Variants in STAB1 observed in about 807,000 individuals in gnomAD.
The protein encoded by STAB1 is stabilin-1.
Under a neutral mutation model 332.4 loss-of-function variants are expected in STAB1, and 250 were observed. That is an observed-to-expected ratio of 0.75 (90% CI 0.68 to 0.84). The LOEUF is 0.84. Among genes scored for constraint, STAB1 ranks in the 40% least tolerant of loss-of-function variants. The pLI, the probability that STAB1 is intolerant of heterozygous loss-of-function variation, is 0.00. For synonymous variants in STAB1, 1,475 were observed against 1,390.4 expected (o/e 1.06, Z -1.35); for missense variants, 3,249 against 3,489.7 (o/e 0.93, Z 1.74).
chr3:52,509,614 G>A (rs536684218), intron 22 of STAB1: 4 of 596,214 alleles, frequency 6.7e-6, no homozygotes, highest in African/African-American at 1.9e-5. Flanking sequence ...GCGGGACTTA[G>A]GTCAGACACA....
At position 52,516,195 on chromosome 3, in the gene STAB1, T is replaced by C. The variant is rs2078856037; in HGVS notation, c.4101T>C (p.Cys1367=). 2 of 1,610,724 alleles carry C rather than the reference T, an allele frequency of 1.2e-6. No homozygotes were observed. The highest frequency in any genetic ancestry group is 1.7e-6 in the Non-Finnish European group (2 of 1,179,456). The part of the protein sequence containing the change: ...HCHEGFHGTA[C]EVCELGRYGP... Reference sequence around the variant, plus strand: ...ACGAGGGCTTCCATGGAACGGCCTGTGAGGTGTGTGAGCTGGGCCGCTACG... The same window carrying C: ...ACGAGGGCTTCCATGGAACGGCCTGCGAGGTGTGTGAGCTGGGCCGCTACG... The change falls in exon 38 of 69, where the codon TGT becomes TGC. Residue 1367 remains cysteine, a synonymous_variant. Transcript: ENST00000321725.
rs1440567794 is a variant in STAB1 at position 52,506,998 on chromosome 3, G to A, written c.1989+148G>A. The A allele has an allele frequency of 8.2e-6, 9 of 1,095,126 alleles. No homozygotes were observed. In the East Asian group the frequency reaches 2.3e-4, roughly 28 times the overall value. The allele number at this position is 1,095,126 out of a possible 1,614,324, so 67.8% of individuals were successfully genotyped here. On this transcript the variant is annotated intron_variant, in intron 18 of 68. Transcript: ENST00000321725. ...CTGGCAGACTCCCAAGGACCCACCT[G>A]TGCTTCCCCCACGCTCACCCTCACC...
At position 52,512,812 on chromosome 3, in the gene STAB1, C is replaced by A; in HGVS notation, c.3028-16C>A. On this transcript the variant is annotated splice_polypyrimidine_tract_variant and intron_variant, in intron 28 of 68. Transcript: ENST00000321725. ...CTTCCTCGCTCCTCCCGCCCCTGCT[C>A]CCTGTGTGCGTGCAGAGTGCCGGCA... is the stretch of plus-strand genomic sequence containing the variant. 1 of 1,607,670 alleles carries A rather than the reference C, an allele frequency of 6.2e-7. No individual in the cohort carries two copies. The highest frequency in any genetic ancestry group is 1.1e-5 in the South Asian group (1 of 90,934).
chr3:52,520,538 C>T lies in STAB1; in HGVS notation c.5638C>T (p.Pro1880Ser), dbSNP rs2079038625. The T allele has an allele frequency of 6.2e-7, 1 of 1,611,450 alleles. No individual in the cohort carries two copies. The highest frequency in any genetic ancestry group is 8.5e-7 in the Non-Finnish European group (1 of 1,178,968). The change falls in exon 53 of 69, where the codon CCC (proline) becomes TCC (serine). Residue 1880 changes from proline to serine, a missense_variant. Coordinates refer to ENST00000321725, the MANE Select transcript of STAB1 (RefSeq NM_015136.3). ...GARCDHFETR[P>S]LRLNTCSICG... ...TCGCTGTGACCACTTTGAGACCCGG[C>T]CCCTGCGACTGGTGAGGGAGGCCAG...
In STAB1 at chr3:52,519,992, A is replaced by G; in HGVS notation, c.5284A>G (p.Thr1762Ala). 1 of 1,610,984 alleles carries G rather than the reference A, an allele frequency of 6.2e-7. No individual in the cohort carries two copies. Among genetic ancestry groups the G allele is most frequent in the Non-Finnish European group, 8.5e-7 (1 of 1,179,290 alleles). ...LLREASHRPF[T>A]MLWPTDAAFR... ...TCGAGAGGCATCCCATAGGCCCTTC[A>G]CAATGCTGTGGCCCACAGACGCCGC... Residue 1762 changes from threonine to alanine, a missense_variant, in exon 51 of 69, where the codon ACA becomes GCA. Physicochemically the swap from Thr to Ala is moderately conservative, Grantham distance 58 (BLOSUM62 0). Coordinates refer to ENST00000321725, the MANE Select transcript of STAB1 (RefSeq NM_015136.3).
Position 52,516,925 on chromosome 3 carries a change from C to T in STAB1, c.4364-59C>T, listed in dbSNP as rs931377391. On this transcript the variant is annotated intron_variant, in intron 41 of 68. Coordinates refer to ENST00000321725, the MANE Select transcript of STAB1 (RefSeq NM_015136.3). ...TTTCCTTTCTCTCACGCCCTCCTCT[C>T]CTGTCCTGCCTCCGGCCCCGTGCCT... 15 of 1,606,418 alleles carry T rather than the reference C, an allele frequency of 9.3e-6. No homozygotes were observed. The South Asian group carries it at 1.6e-4, about 17-fold the overall frequency.
Position 52,520,469 on chromosome 3 carries a change from G to T in STAB1, c.5569G>T (p.Ala1857Ser), listed in dbSNP as rs1166778947. 1.2e-6 allele frequency: 2 copies of T among 1,612,796 alleles called. No individual in the cohort carries two copies. The highest frequency in any genetic ancestry group is 1.7e-6 in the Non-Finnish European group (2 of 1,179,950). Reference sequence around the variant, plus strand: ...GCACTTGCCCTTTGAGGGTGGCCTGGCCTATGGCATCGACCAGCTGCTGGA... The same window carrying T: ...GCACTTGCCCTTTGAGGGTGGCCTGTCCTATGGCATCGACCAGCTGCTGGA... ...QRHLPFEGGL[A>S]YGIDQLLEPP... is the part of the protein sequence containing the mutation. Residue 1857 changes from alanine to serine, a missense_variant, in exon 53 of 69, where the codon GCC becomes TCC. Transcript: ENST00000321725.
At chr3:52,517,139 G>A (rs1202128616) in intron 42 of STAB1, 30 bp downstream of exon 42, 1 of 1,520,614 alleles carries the variant, frequency 6.6e-7, no homozygotes, top group Non-Finnish European at 8.8e-7. Flanking sequence ...CTGGGTTTAT[G>A]TTGGGCTAGG....
Position 52,523,456 on chromosome 3 carries a change from T to A in STAB1, c.7170T>A (p.His2390Gln). 6.2e-7 allele frequency: 1 copy of A among 1,610,038 alleles called. No homozygotes were observed. Among genetic ancestry groups the A allele is most frequent in the Non-Finnish European group, 8.5e-7 (1 of 1,177,780 alleles). The part of the protein sequence containing the change: ...MTLSGPDLEL[H>Q]ASNATLLSAN... The stretch of plus-strand genomic sequence containing the variant: ...TGAGTGGCCCAGACTTGGAGCTGCA[T>A]GCCTCCAACGCCACCCTCCTAAGTG... Residue 2390 changes from histidine (H) to glutamine (Q), a missense_variant, in exon 65 of 69, where the codon CAT becomes CAA. Coordinates refer to ENST00000321725, the MANE Select transcript of STAB1 (RefSeq NM_015136.3).
At chr3:52,522,257 C>T (rs2079098488) in intron 59 of STAB1, 27 bp downstream of exon 59, 1 of 1,611,734 alleles carries the variant, frequency 6.2e-7, no homozygotes, top group Non-Finnish European at 8.5e-7. Flanking sequence ...ACCGAGTAGC[C>T]AGGGTGGGGA....
intron 11 of STAB1, 30 bp from the exon 12 acceptor site, chr3:52,504,709 C>G (rs767649788): frequency 2.5e-6 from 4 of 1,613,500 alleles, no homozygotes; most frequent in Non-Finnish European, 3.4e-6. Context: ...GGCCCCCCGG[C>G]TCACTTTGCT....
Position 52,522,517 on chromosome 3 carries a change from G to C in STAB1, c.6611-38G>C, listed in dbSNP as rs201213726. ...CTCCCAGTACCCATTTCATTCCTCA[G>C]AGCCGGCCAGCTGACCATGCACCCC... is the stretch of plus-strand genomic sequence containing the variant. On this transcript the variant is annotated intron_variant, in intron 60 of 68. Coordinates refer to ENST00000321725, the MANE Select transcript of STAB1 (RefSeq NM_015136.3). 474 of 1,613,048 alleles carry C rather than the reference G, an allele frequency of 2.9e-4. 1 individual carries two copies. The African/African-American group carries it at 5.1e-3, about 17-fold the overall frequency.
In STAB1 at chr3:52,503,040, CAG is replaced by C. The variant is rs778824725; in HGVS notation, c.626_627del (p.Gln209LeufsTer20). The C allele has an allele frequency of 1.2e-6, 2 of 1,602,822 alleles. No individual in the cohort carries two copies. Among genetic ancestry groups the C allele is most frequent in the Non-Finnish European group, 1.7e-6 (2 of 1,175,852 alleles). The part of the protein sequence containing the change: ...CQELRCPQNT[Q>X]CSAEAPSCRC... ...GGAGCTGCGCTGTCCCCAGAACACC[CAG>C]TGCTCCGCAGAGGCTCCCAGCTGCA... On this transcript the variant is annotated frameshift_variant, in exon 7 of 69. Coordinates refer to ENST00000321725, the MANE Select transcript of STAB1 (RefSeq NM_015136.3). LOFTEE classifies it high-confidence loss of function.
chr3:52,514,192 C>T lies in STAB1; in HGVS notation c.3525C>T (p.Ala1175=). ...TGCCCACCAACCGCTCCCTGGAGGC[C>T]CAGGGCAACAGCAGTCACCTGGTGA... ...IFVPTNRSLE[A]QGNSSHLDAD... Residue 1175 remains alanine, a synonymous_variant, in exon 33 of 69, where the codon GCC becomes GCT. Transcript: ENST00000321725. 6.2e-7 allele frequency: 1 copy of T among 1,613,244 alleles called. No individual in the cohort carries two copies. The highest frequency in any genetic ancestry group is 8.5e-7 in the Non-Finnish European group (1 of 1,179,988).
In STAB1 at chr3:52,519,917, T is replaced by C. The variant is rs200456506; in HGVS notation, c.5236-27T>C. The stretch of plus-strand genomic sequence containing the variant: ...AACTAGTCTCTGACTGGGCAGCGAC[T>C]GCCACATCTTTGCTGCACCCCACCA... On this transcript the variant is annotated intron_variant, in intron 50 of 68. Coordinates refer to ENST00000321725, the MANE Select transcript of STAB1 (RefSeq NM_015136.3). 22 of 1,548,056 alleles carry C rather than the reference T, an allele frequency of 1.4e-5. No individual in the cohort carries two copies. The East Asian group carries it at 3.8e-4, about 27-fold the overall frequency.
intron 37 of STAB1, 42 bp from the exon 38 acceptor site, chr3:52,516,001 G>T: frequency 6.5e-7 from 1 of 1,540,724 alleles, no homozygotes; most frequent in Non-Finnish European, 8.7e-7. Context: ...CTGACACCTT[G>T]CTGGGCCTCT....
rs1267948177 is a variant in STAB1, at chr3:52,516,720, A to G, written c.4315A>G (p.Thr1439Ala). The G allele has an allele frequency of 1.2e-6, 2 of 1,611,650 alleles. No homozygotes were observed. The highest frequency in any genetic ancestry group is 1.7e-6 in the Non-Finnish European group (2 of 1,179,764). The change falls in exon 41 of 69, where the codon ACC becomes GCC. Residue 1439 changes from threonine (T) to alanine (A), a missense_variant. Physicochemically the swap from Thr to Ala is moderately conservative, Grantham distance 58. Transcript: ENST00000321725. ...NCVQDSAGAS[T>A]CACAAGYSGN... ...CGTGCAGGACTCGGCCGGAGCCTCC[A>G]CCTGCGCCTGTGCTGCGGGATACTC...
chr3:52,517,028 G>A lies in STAB1; in HGVS notation c.4408G>A (p.Ala1470Thr). The change falls in exon 42 of 69, where the codon GCC becomes ACC. Residue 1470 changes from alanine (A) to threonine (T), a missense_variant. Coordinates refer to ENST00000321725, the MANE Select transcript of STAB1 (RefSeq NM_015136.3). Reference sequence around the variant, plus strand: ...CGGCCATGGGGGCTGCTCCCCTCATGCCAACTGTACCAAGGTGGCACCTGG... The same window carrying A: ...CGGCCATGGGGGCTGCTCCCCTCATACCAACTGTACCAAGGTGGCACCTGG... ...AHGHGGCSPH[A>T]NCTKVAPGQR... The A allele has an allele frequency of 1.2e-6, 2 of 1,607,924 alleles. No individual in the cohort carries two copies. Among genetic ancestry groups the A allele is most frequent in the Non-Finnish European group, 1.7e-6 (2 of 1,177,598 alleles).
chr3:52,516,912 C>T, intron 41 of STAB1, 72 bp from the exon 42 acceptor site: 1 of 1,602,374 alleles, frequency 6.2e-7, no homozygotes, highest in Non-Finnish European at 8.5e-7. Context: ...TCCTTTCTCT[C>T]ACGCCCTCCT....
Sources: gnomAD v4.1 joint callset for allele counts on GRCh38, gnomAD v4.1.1 for gene constraint, MANE v1.5 for transcripts, NCBI Gene and HGNC (gene_info 2026-07-23, HGNC 2026-07-21) for gene names.